Variants in HYDIN observed in about 807,000 individuals in gnomAD.
HYDIN encodes the protein HYDIN axonemal central pair apparatus protein, also known as axonemal central pair apparatus protein HYDIN.
In HYDIN, 132 loss-of-function variants were observed where a neutral mutation model predicts 403.9. That is an observed-to-expected ratio of 0.33 (90% CI 0.28 to 0.38). The LOEUF (loss-of-function observed/expected upper bound fraction) is 0.38, where lower values mean the gene tolerates loss of function less well. Among genes scored for constraint, HYDIN ranks in the 10% least tolerant of loss-of-function variants. HYDIN has a pLI of 1.00. For synonymous variants in HYDIN, 1,202 were observed against 1,891.7 expected (o/e 0.64, Z 9.46); for missense variants, 2,827 against 5,009.5 (o/e 0.56, Z 13.15).
chr16:71,202,764 C>T (rs1164696446), intron 1 of HYDIN, among the ~76,000 whole-genome samples: 1 of 152,192 alleles, frequency 6.6e-6, no homozygotes, highest in Non-Finnish European at 1.5e-5. Context: ...TAAAAATACT[C>T]TTTAACTGCT....
chr16:71,192,329 C>T (rs2087476356), intron 1 of HYDIN, among the ~76,000 whole-genome samples: 1 of 152,190 alleles, frequency 6.6e-6, no homozygotes, highest in South Asian at 2.1e-4. Context: ...TATCCAACTC[C>T]AGAATCATGC....
chr16:70,909,502 G>T (rs1383244570), intron 47 of HYDIN, among the ~76,000 whole-genome samples: 1 of 109,342 alleles, frequency 9.1e-6, no homozygotes. Context: ...TTTTTCTCCT[G>T]AGCCATTTGA....
At chr16:71,056,024 G>A (rs1163319467) in intron 18 of HYDIN, among the ~76,000 whole-genome samples, 4 of 152,068 alleles carry the variant, frequency 2.6e-5, no homozygotes, top group Admixed American at 1.3e-4. Flanking sequence ...CTCATAGGGA[G>A]GGGAAAGTCT....
intron 44 of HYDIN, among the ~76,000 whole-genome samples, chr16:70,937,230 T>C (rs2077522056): frequency 6.6e-6 from 1 of 150,504 alleles, no homozygotes; most frequent in Non-Finnish European, 1.5e-5. Context: ...AAGTCCACCA[T>C]GAGATGAATG....
chr16:71,122,754 T>C (rs1017018512), intron 9 of HYDIN, among the ~76,000 whole-genome samples: 5 of 152,000 alleles, frequency 3.3e-5, no homozygotes, highest in African/African-American at 1.2e-4. Context: ...CTATTACTTA[T>C]ATGGTAATAA....
In HYDIN at chr16:71,137,205, T is replaced by C. The variant is rs1180930987; in HGVS notation, c.989A>G (p.His330Arg). The change falls in exon 8 of 86, where the codon CAT (histidine) becomes CGT (arginine). Residue 330 changes from histidine (H) to arginine (R), a missense_variant. By Grantham distance (29) the His-to-Arg change is conservative. Transcript: ENST00000393567. The part of the protein sequence containing the change: ...TIHNRSNIIA[H>R]FLWKVFATQQ... ...GGTAGCAAATACCTTCCACAGGAAA[T>C]GGGCAATGATATTACTGCGATTGTG... 4 of 749,704 alleles carry C rather than the reference T, an allele frequency of 5.3e-6. No individual in the cohort carries two copies. The highest frequency in any genetic ancestry group is 8.9e-6 in the Non-Finnish European group (4 of 449,008). 46.4% of individuals were successfully genotyped at this position (749,704 alleles called of 1,614,324 possible).
intron 13 of HYDIN, among the ~76,000 whole-genome samples, chr16:71,072,752 A>T (rs2082506220): frequency 6.6e-6 from 1 of 152,008 alleles, no homozygotes; most frequent in Admixed American, 6.6e-5. Context: ...CAAGTATTTC[A>T]TCAATTTGGG....
intron 54 of HYDIN, among the ~76,000 whole-genome samples, chr16:70,895,772 T>C (rs1436486026): frequency 2.0e-5 from 3 of 152,038 alleles, no homozygotes; most frequent in Non-Finnish European, 4.4e-5. Flanking sequence ...TTTACACCTA[T>C]GACCACCCGC....
rs1270561823 is a variant in HYDIN, at chr16:71,107,288, T to C, written c.1327+8408A>G. Among the ~76,000 whole-genome samples, 4 of 149,584 alleles carry C rather than the reference T, an allele frequency of 2.7e-5. No individual in the cohort carries two copies. In the South Asian group the frequency reaches 8.5e-4, roughly 32 times the overall value. ...CGTTGTGCACATGTACCCTAGCACT[T>C]AAAGCATAATAAAAAACAAGTAAAA... On this transcript the variant is annotated intron_variant, in intron 10 of 85. Coordinates refer to ENST00000393567, the MANE Select transcript of HYDIN (RefSeq NM_001270974.2).
At chr16:71,079,175 T>C (rs570034164) in intron 13 of HYDIN, among the ~76,000 whole-genome samples, 11 of 152,222 alleles carry the variant, frequency 7.2e-5, no homozygotes, top group African/African-American at 2.4e-4. Context: ...ATGATGGAGT[T>C]ACAGAATTGA....
chr16:70,893,972 C>CT (rs1296052237), intron 55 of HYDIN: 1 of 152,716 alleles, frequency 6.5e-6, no homozygotes, highest in Non-Finnish European at 1.5e-5. Context: ...TGAAGAAGGT[C>CT]TCCTTGTAAA....
At chr16:70,971,292 T>G (rs1312337739) in intron 35 of HYDIN, among the ~76,000 whole-genome samples, 2 of 152,282 alleles carry the variant, frequency 1.3e-5, no homozygotes, top group African/African-American at 4.8e-5. Context: ...CTTTGTGTAT[T>G]TTCCCAGAGT....
intron 1 of HYDIN, 89 bp downstream of exon 1, chr16:71,230,473 G>A (rs995639920): frequency 7.1e-7 from 1 of 1,418,212 alleles, no homozygotes; most frequent in Non-Finnish European, 9.3e-7. Context: ...GGGACGCAGG[G>A]CGAGGACGAG....
At chr16:70,997,117 T>C (rs1489119748) in intron 23 of HYDIN, among the ~76,000 whole-genome samples, 2 of 150,754 alleles carry the variant, frequency 1.3e-5, no homozygotes, top group African/African-American at 2.4e-5. Flanking sequence ...CAGTTCACAA[T>C]AGGGTTTGTG....
intron 23 of HYDIN, among the ~76,000 whole-genome samples, chr16:71,011,804 C>T (rs1190904339): frequency 2.0e-5 from 3 of 150,780 alleles, no homozygotes; most frequent in Non-Finnish European, 4.4e-5. Flanking sequence ...AAATGAGGCT[C>T]CTTCTTCAGC....
intron 41 of HYDIN, among the ~76,000 whole-genome samples, chr16:70,949,174 T>C (rs969712184): frequency 1.3e-5 from 2 of 151,356 alleles, no homozygotes; most frequent in East Asian, 1.9e-4. Context: ...TGGATGAAAT[T>C]GGAAATCATC....
chr16:71,009,270 A>G (rs1225769597), intron 23 of HYDIN, among the ~76,000 whole-genome samples: 1 of 146,770 alleles, frequency 6.8e-6, no homozygotes, highest in Non-Finnish European at 1.5e-5. Flanking sequence ...GAGCCGAGGG[A>G]TGATGGAAGA....
intron 62 of HYDIN, among the ~76,000 whole-genome samples, chr16:70,877,602 C>T (rs1162203600): frequency 6.6e-6 from 1 of 152,146 alleles, no homozygotes; most frequent in Non-Finnish European, 1.5e-5. Context: ...ATAAGGAGCA[C>T]GCAGCCTAGA....
At chr16:71,097,750 G>A (rs1404050442) in intron 10 of HYDIN, among the ~76,000 whole-genome samples, 2 of 149,084 alleles carry the variant, frequency 1.3e-5, no homozygotes, top group Non-Finnish European at 3.0e-5. Context: ...ATAATTTCAA[G>A]TTCTCTAAGG....
Sources: allele counts gnomAD v4.1 joint callset (sites outside exome capture counted in the v4.1 genomes callset), GRCh38; gene constraint gnomAD v4.1.1; transcripts MANE v1.5; gene names NCBI Gene and HGNC (gene_info 2026-07-23, HGNC 2026-07-21).